The following PACRG variants were observed in gnomAD, a reference collection of about 807,000 sequenced individuals.
PACRG encodes the protein parkin coregulated.
In PACRG, 29 loss-of-function variants were observed where a neutral mutation model predicts 29.7. That is an observed-to-expected ratio of 0.98 (90% CI 0.73 to 1.33). The LOEUF is 1.33. PACRG is among the 40% of genes most tolerant of loss of function. The pLI is 0.00. For missense variants in PACRG, 279 were observed against 316.2 expected, an observed-to-expected ratio of 0.88 and a Z score of 0.89; for synonymous variants, 116 against 118.7, an observed-to-expected ratio of 0.98 and a Z score of 0.15.
At chr6:163,121,469 T>A (rs1816265178) in intron 4 of PACRG, among the ~76,000 whole-genome samples, 1 of 152,130 alleles carries the variant, frequency 6.6e-6, no homozygotes, top group Non-Finnish European at 1.5e-5. Flanking sequence ...CTTTGGCTCA[T>A]CTTGTAGGTT....
At chr6:163,279,445 T>C (rs180865886) in intron 4 of PACRG, among the ~76,000 whole-genome samples, 100 of 152,348 alleles carry the variant, frequency 6.6e-4, no homozygotes, top group African/African-American at 2.1e-3. Context: ...ATTTCTAGTA[T>C]CTATCTGTTT....
chr6:162,762,628 C>T (rs893081143), intron 1 of PACRG, among the ~76,000 whole-genome samples: 2 of 152,198 alleles, frequency 1.3e-5, no homozygotes, highest in Non-Finnish European at 2.9e-5. Flanking sequence ...CTTAATATGG[C>T]AGGGATAACC....
chr6:163,261,791 GTTAGATATGA>G (rs1783335644), intron 4 of PACRG, among the ~76,000 whole-genome samples: 1 of 152,128 alleles, frequency 6.6e-6, no homozygotes, highest in Non-Finnish European at 1.5e-5. Context: ...CTTACATTGT[GTTAGATATGA>G]TAAGTAATAT....
chr6:162,843,368 C>T (rs1360370688), intron 2 of PACRG, among the ~76,000 whole-genome samples: 3 of 150,676 alleles, frequency 2.0e-5, no homozygotes, highest in Non-Finnish European at 4.4e-5. Flanking sequence ...TTGCTGATAC[C>T]CTTTCTTCTA....
intron 2 of PACRG, among the ~76,000 whole-genome samples, chr6:162,939,238 T>A (rs1798446740): frequency 6.6e-6 from 1 of 152,182 alleles, no homozygotes; most frequent in South Asian, 2.1e-4. Flanking sequence ...CCTCTCACCT[T>A]ATGCAAAAAT....
At chr6:162,945,078 T>A (rs1323867081) in intron 2 of PACRG, among the ~76,000 whole-genome samples, 1 of 151,296 alleles carries the variant, frequency 6.6e-6, no homozygotes. Flanking sequence ...ACAACAATGC[T>A]AAACATTAAC....
intron 4 of PACRG, among the ~76,000 whole-genome samples, chr6:163,208,682 A>G (rs1013421106): frequency 6.6e-6 from 1 of 152,206 alleles, no homozygotes; most frequent in South Asian, 2.1e-4. Context: ...CCCCCAAGAT[A>G]TATCTTCTTT....
chr6:163,163,340 C>T (rs894438441), intron 4 of PACRG, among the ~76,000 whole-genome samples: 4 of 152,102 alleles, frequency 2.6e-5, no homozygotes, highest in Admixed American at 1.3e-4. Flanking sequence ...GGCATGATCT[C>T]GGCTCACTGC....
intron 4 of PACRG, among the ~76,000 whole-genome samples, chr6:163,224,649 CTG>C (rs1404475770): frequency 2.0e-5 from 3 of 152,046 alleles, no homozygotes; most frequent in South Asian, 2.1e-4. Flanking sequence ...AAAAATGAAA[CTG>C]GGCCTTATCT....
chr6:162,727,381 AGCGGGGGTGCGGGGCC>A (rs1779306494), upstream of PACRG: 2 of 459,766 alleles, frequency 4.4e-6, no homozygotes, highest in Middle Eastern at 5.7e-4. Flanking sequence ...GCGAACGAGG[AGCGGGGGTGCGGGGCC>A]GCCTGGCGTC....
intron 4 of PACRG, among the ~76,000 whole-genome samples, chr6:163,148,384 C>T (rs1226568623): frequency 1.3e-5 from 2 of 152,172 alleles, no homozygotes; most frequent in Non-Finnish European, 2.9e-5. Context: ...TGCAAACTTT[C>T]ATTGAAAGGC....
At position 163,277,483 on chromosome 6, in the gene PACRG, G is replaced by GTGTA. The variant is rs1554239299; in HGVS notation, c.614-37343_614-37342insGTAT. Among the ~76,000 whole-genome samples the GTGTA allele has an allele frequency of 4.2e-3, 598 of 142,158 alleles. 6 individuals carry two copies. The highest frequency in any genetic ancestry group is 0.015 in the African/African-American group (569 of 37,976). 93.3% of individuals were successfully genotyped at this position (142,158 alleles called of 152,430 possible). ...TATCTCATGGTGTGTGTGTATGTGTGTATATATATATACACACATACACAC... is the reference window on the plus strand; with the variant it reads ...TATCTCATGGTGTGTGTGTATGTGTGTGTATATATATATATACACACATACACAC... On this transcript the variant is annotated intron_variant, in intron 4 of 4. Transcript: ENST00000366888.
intron 4 of PACRG, among the ~76,000 whole-genome samples, chr6:163,276,570 G>A (rs1382603494): frequency 6.6e-6 from 1 of 152,122 alleles, no homozygotes; most frequent in South Asian, 2.1e-4. Flanking sequence ...CCAATATGTG[G>A]GTTGCCGTGG....
At chr6:163,183,829 TG>T (rs1236971969) in intron 4 of PACRG, among the ~76,000 whole-genome samples, 1 of 152,224 alleles carries the variant, frequency 6.6e-6, no homozygotes, top group Non-Finnish European at 1.5e-5. Context: ...GTAACGAAAC[TG>T]TAGGTTTTTT....
chr6:163,250,978 G>C (rs1268108065), intron 4 of PACRG, among the ~76,000 whole-genome samples: 1 of 151,354 alleles, frequency 6.6e-6, no homozygotes, highest in Non-Finnish European at 1.5e-5. Context: ...GATGAGACTG[G>C]AGACTAATAT....
chr6:163,067,760 T>G (rs1811685118), intron 3 of PACRG, among the ~76,000 whole-genome samples: 1 of 152,158 alleles, frequency 6.6e-6, no homozygotes, highest in Non-Finnish European at 1.5e-5. Flanking sequence ...TGATTAGAAT[T>G]TAACTCCCCT....
intron 1 of PACRG, among the ~76,000 whole-genome samples, chr6:162,742,694 T>C (rs1780692701): frequency 6.6e-6 from 1 of 152,138 alleles, no homozygotes; most frequent in Non-Finnish European, 1.5e-5. Context: ...TGAATAGTAT[T>C]CCATTGTCTA....
chr6:163,065,943 A>C (rs1811505780), intron 3 of PACRG, among the ~76,000 whole-genome samples: 1 of 152,238 alleles, frequency 6.6e-6, no homozygotes, highest in South Asian at 2.1e-4. Flanking sequence ...ATTGGAGGAC[A>C]TAGAACACAA....
At chr6:163,301,299 A>G (rs778372685) in intron 4 of PACRG, among the ~76,000 whole-genome samples, 1 of 152,234 alleles carries the variant, frequency 6.6e-6, no homozygotes, top group Non-Finnish European at 1.5e-5. Flanking sequence ...TCTGGGTGCC[A>G]TTTGCAGAAG....
Sources: allele counts gnomAD v4.1 joint callset (sites outside exome capture counted in the v4.1 genomes callset), GRCh38; gene constraint gnomAD v4.1.1; transcripts MANE v1.5; gene names NCBI Gene and HGNC (gene_info 2026-07-23, HGNC 2026-07-21).